ATP9B: variants seen among roughly 807,000 people sequenced by gnomAD.
The protein encoded by ATP9B is probable phospholipid-transporting ATPase IIB.
ATP9B carries 110 observed loss-of-function variants against 146.1 expected under a neutral mutation model. The observed-to-expected ratio is 0.75, with a 90% CI of 0.65 to 0.88. ATP9B has a LOEUF of 0.88. Ranked by LOEUF, ATP9B falls within the 40% of genes least tolerant of loss-of-function variation. ATP9B has a pLI of 0.00. For missense variants in ATP9B, 1,499 were observed against 1,496.4 expected, an observed-to-expected ratio of 1.00 and a Z score of -0.03; for synonymous variants, 604 against 569.7, an observed-to-expected ratio of 1.06 and a Z score of -0.86.
intron 12 of ATP9B, among the ~76,000 whole-genome samples, chr18:79,264,795 T>C (rs1304047219): frequency 6.6e-6 from 1 of 152,202 alleles, no homozygotes; most frequent in African/African-American, 2.4e-5. Context: ...CCGTCTGCCA[T>C]GTACCAAGCA....
intron 4 of ATP9B, among the ~76,000 whole-genome samples, chr18:79,116,679 A>T (rs1480712879): frequency 2.4e-5 from 1 of 41,900 alleles, no homozygotes; most frequent in African/African-American, 9.1e-5. Flanking sequence ...AGAACAAAAA[A>T]CCAAACACCG....
At chr18:79,210,224 T>C (rs1401798982) in intron 10 of ATP9B, among the ~76,000 whole-genome samples, 2 of 152,220 alleles carry the variant, frequency 1.3e-5, no homozygotes, top group African/African-American at 4.8e-5. Flanking sequence ...TCGTGTTTAT[T>C]ATACTGATGA....
intron 17 of ATP9B, among the ~76,000 whole-genome samples, chr18:79,334,972 A>G (rs992939479): frequency 2.0e-4 from 31 of 152,158 alleles, no homozygotes; most frequent in Admixed American, 2.0e-3. Flanking sequence ...GCCTTGCAGG[A>G]ACACGTGCCC....
At chr18:79,186,994 C>T (rs1185877030) in intron 8 of ATP9B, among the ~76,000 whole-genome samples, 1 of 152,248 alleles carries the variant, frequency 6.6e-6, no homozygotes, top group Non-Finnish European at 1.5e-5. Flanking sequence ...TGCTCCCGCT[C>T]TCCAGCTTTA....
intron 5 of ATP9B, among the ~76,000 whole-genome samples, chr18:79,143,488 A>G (rs1243236729): frequency 6.6e-6 from 1 of 152,190 alleles, no homozygotes; most frequent in African/African-American, 2.4e-5. Context: ...TCATTTAGTA[A>G]TATTTCTGAT....
intron 4 of ATP9B, among the ~76,000 whole-genome samples, chr18:79,119,685 C>T (rs976053724): frequency 1.3e-5 from 2 of 152,142 alleles, no homozygotes. Context: ...TCATATTGTT[C>T]GATCTGAGAA....
At chr18:79,198,599 G>T (rs2095438127) in intron 9 of ATP9B, among the ~76,000 whole-genome samples, 2 of 152,134 alleles carry the variant, frequency 1.3e-5, no homozygotes, top group South Asian at 4.1e-4. Context: ...AGGTTATATG[G>T]TGTAGCCTGT....
chr18:79,374,621 G>A (rs902279699), intron 28 of ATP9B, among the ~76,000 whole-genome samples: 6 of 152,230 alleles, frequency 3.9e-5, no homozygotes, highest in Non-Finnish European at 8.8e-5. Context: ...TCAGACCTGC[G>A]GGAGGTGAAC....
intron 2 of ATP9B, among the ~76,000 whole-genome samples, chr18:79,103,006 A>G (rs1189746888): frequency 6.6e-6 from 1 of 152,184 alleles, no homozygotes; most frequent in Non-Finnish European, 1.5e-5. Context: ...CACTGGTGCT[A>G]AGAGTGGTTT....
At chr18:79,273,854 C>T (rs1188290805) in intron 12 of ATP9B, among the ~76,000 whole-genome samples, 6 of 152,140 alleles carry the variant, frequency 3.9e-5, no homozygotes, top group Non-Finnish European at 7.4e-5. Flanking sequence ...TCTGACATTC[C>T]GAGATTTACG....
chr18:79,208,741 ATG>A (rs1006257705), intron 10 of ATP9B, among the ~76,000 whole-genome samples: 17 of 151,130 alleles, frequency 1.1e-4, no homozygotes, highest in African/African-American at 2.0e-4. Flanking sequence ...TATAAATGTT[ATG>A]TGTGTGTGTG....
intron 6 of ATP9B, 94 bp from the exon 7 acceptor site, chr18:79,154,410 A>C (rs374927902): frequency 1.2e-5 from 10 of 812,688 alleles, no homozygotes; most frequent in African/African-American, 1.8e-5. Context: ...ATATTATCTT[A>C]GTTGTTTTCA....
intron 11 of ATP9B, among the ~76,000 whole-genome samples, chr18:79,214,559 C>T (rs2095610415): frequency 6.6e-6 from 1 of 152,182 alleles, no homozygotes; most frequent in Non-Finnish European, 1.5e-5. Flanking sequence ...GTTATTTATG[C>T]ATCCAACATG....
At chr18:79,123,169 A>G (rs979838417) in intron 4 of ATP9B, among the ~76,000 whole-genome samples, 1 of 151,418 alleles carries the variant, frequency 6.6e-6, no homozygotes, top group African/African-American at 2.4e-5. Context: ...TTTATAGGAA[A>G]ACCTAGGGAA....
In ATP9B at chr18:79,256,286, T is replaced by TACACACACAC. The variant is rs1555791765; in HGVS notation, c.1268+2748_1268+2749insCACACACACA. The stretch of plus-strand genomic sequence containing the variant: ...ATATATATATATATATATATATATA[T>TACACACACAC]ACATACATAGTGAGGCTATGTTATT... On this transcript the variant is annotated intron_variant, in intron 12 of 29. Coordinates refer to ENST00000426216, the MANE Select transcript of ATP9B (RefSeq NM_198531.5). 4.4e-4 allele frequency among the ~76,000 whole-genome samples: 54 copies of TACACACACAC among 123,020 alleles called. 1 individual carries two copies. Among genetic ancestry groups the TACACACACAC allele is most frequent in the Non-Finnish European group, 6.2e-4 (36 of 58,390 alleles). 80.7% of individuals were successfully genotyped at this position (123,020 alleles called of 152,430 possible).
chr18:79,343,795 C>A (rs1019642214), intron 20 of ATP9B: 8 of 219,092 alleles, frequency 3.7e-5, no homozygotes, highest in Non-Finnish European at 7.2e-5. Context: ...CAGTGACTCT[C>A]AGCAGCGCTG....
chr18:79,368,238 A>G (rs190940875), intron 26 of ATP9B, among the ~76,000 whole-genome samples: 15 of 152,380 alleles, frequency 9.8e-5, no homozygotes, highest in African/African-American at 3.6e-4. Context: ...CAATTTTCCT[A>G]GGATAGATGA....
chr18:79,097,712 T>C (rs1599518484), intron 2 of ATP9B, among the ~76,000 whole-genome samples: 1 of 147,542 alleles, frequency 6.8e-6, no homozygotes. Context: ...GAACTCATCA[T>C]TTTTTATGGC....
chr18:79,194,088 A>G (rs147459742), intron 9 of ATP9B, among the ~76,000 whole-genome samples: 339 of 152,314 alleles, frequency 2.2e-3, no homozygotes, highest in Non-Finnish European at 3.6e-3. Context: ...GCACACAAGC[A>G]TGCATAAGAT....
Sources: allele counts gnomAD v4.1 joint callset (sites outside exome capture counted in the v4.1 genomes callset), GRCh38; gene constraint gnomAD v4.1.1; transcripts MANE v1.5; gene names NCBI Gene and HGNC (gene_info 2026-07-23, HGNC 2026-07-21).